The following TSC2 variants were observed in gnomAD, a reference collection of about 807,000 sequenced individuals.
TSC2 encodes TSC complex subunit 2.
In TSC2, 29 loss-of-function variants were observed where a neutral mutation model predicts 202.2. The observed-to-expected ratio is 0.14, with a 90% CI of 0.11 to 0.20. The LOEUF is 0.20. Ranked by LOEUF, TSC2 falls within the 10% of genes least tolerant of loss-of-function variation. The pLI, the probability that TSC2 is intolerant of heterozygous loss-of-function variation, is 1.00. For missense variants in TSC2, 2,429 were observed against 2,420.0 expected, an observed-to-expected ratio of 1.00 and a Z score of -0.08; for synonymous variants, 1,349 against 1,044.0, an observed-to-expected ratio of 1.29 and a Z score of -5.63.
intron 2 of TSC2, 85 bp downstream of exon 2, chr16:2,048,838 A>AC (rs1223733371): frequency 6.3e-7 from 1 of 1,593,468 alleles, no homozygotes; most frequent in African/African-American, 1.3e-5. Context: ...TCTGTGGGAG[A>AC]CGGGTTGCTG....
intron 21 of TSC2, 48 bp downstream of exon 21, chr16:2,073,031 G>T: frequency 6.2e-7 from 1 of 1,612,256 alleles, no homozygotes; most frequent in South Asian, 1.1e-5. Flanking sequence ...CCTGGGATTC[G>T]AGGGCCTGGC....
chr16:2,055,856 A>G (rs902174345), intron 6 of TSC2: 7 of 465,738 alleles, frequency 1.5e-5, no homozygotes, highest in South Asian at 1.5e-4. Context: ...GTGCCACTGC[A>G]CTCCAGCCTG....
At chr16:2,057,460 G>A (rs1481971080) in intron 9 of TSC2, among the ~76,000 whole-genome samples, 1 of 152,134 alleles carries the variant, frequency 6.6e-6, no homozygotes, top group East Asian at 1.9e-4. Context: ...GTTACAAGGC[G>A]AGGCTCGGGG....
chr16:2,055,571 G>C (rs188017426), intron 6 of TSC2, 52 bp downstream of exon 6: 2 of 1,546,348 alleles, frequency 1.3e-6, no homozygotes, highest in Non-Finnish European at 1.8e-6. Flanking sequence ...GTTCAGCTCC[G>C]CAGTGAATAA....
chr16:2,050,293 C>T, intron 2 of TSC2, 107 bp from the exon 3 acceptor site: 2 of 1,066,220 alleles, frequency 1.9e-6, no homozygotes, highest in South Asian at 1.3e-5. Flanking sequence ...TGTTTTAAGT[C>T]TCTAGTCTGG....
intron 30 of TSC2, chr16:2,080,683 A>G (rs576060784): frequency 8.3e-5 from 32 of 383,252 alleles, no homozygotes; most frequent in Middle Eastern, 8.2e-4. Flanking sequence ...ATGGGGTTTC[A>G]CTGTGTTAGC....
rs763419528 is a variant in TSC2, at chr16:2,056,730, C to T, written c.735C>T (p.Arg245=). The change falls in exon 8 of 42, where the codon CGC becomes CGT. Residue 245 remains arginine (R), a synonymous_variant. Coordinates refer to ENST00000219476, the MANE Select transcript of TSC2 (RefSeq NM_000548.5). ...CGCTGTTCATCGTTACCCTCTGTCG[C>T]ACCATCAACGTCAAGGAGCTCTGCG... ...SLPLFIVTLC[R]TINVKELCEP... 1.1e-5 allele frequency: 17 copies of T among 1,611,860 alleles called. No homozygotes were observed. Among genetic ancestry groups the T allele is most frequent in the Middle Eastern group, 1.6e-4 (1 of 6,084 alleles).
At chr16:2,068,051 T>G (rs1197579431) in intron 16 of TSC2, among the ~76,000 whole-genome samples, 2 of 152,194 alleles carry the variant, frequency 1.3e-5, no homozygotes, top group Non-Finnish European at 1.5e-5. Context: ...TTCTTTATTT[T>G]TTTGAGATAG....
intron 9 of TSC2, 103 bp downstream of exon 9, chr16:2,057,281 C>T (rs543922781): frequency 6.9e-5 from 96 of 1,382,598 alleles, no homozygotes; most frequent in Non-Finnish European, 8.3e-5. Context: ...GAGTCCTTGT[C>T]CTCTCGGGCA....
At chr16:2,056,840 C>G (rs2151083607) in intron 8 of TSC2, 71 bp downstream of exon 8, 1 of 1,596,674 alleles carries the variant, frequency 6.3e-7, no homozygotes, top group South Asian at 1.1e-5. Flanking sequence ...TCCTGTCTCC[C>G]ATGAATGGTT....
intron 25 of TSC2, 36 bp downstream of exon 25, chr16:2,076,621 G>C (rs776320441): frequency 6.2e-7 from 1 of 1,607,364 alleles, no homozygotes; most frequent in Non-Finnish European, 8.5e-7. Flanking sequence ...AGTCGGTGTG[G>C]GGTGGGGAAG....
chr16:2,057,278 T>C, intron 9 of TSC2, 100 bp downstream of exon 9: 1 of 1,405,962 alleles, frequency 7.1e-7, no homozygotes, highest in Non-Finnish European at 9.8e-7. Context: ...AGAGAGTCCT[T>C]GTCCTCTCGG....
intron 4 of TSC2, 160 bp downstream of exon 4, chr16:2,053,612 T>G (rs2085398324): frequency 2.7e-6 from 2 of 741,806 alleles, no homozygotes; most frequent in Non-Finnish European, 4.7e-6. Context: ...GGTCTCCTGG[T>G]GTCATGAGGT....
At chr16:2,051,698 A>T (rs769944951) in intron 3 of TSC2, among the ~76,000 whole-genome samples, 7 of 152,132 alleles carry the variant, frequency 4.6e-5, no homozygotes, top group Non-Finnish European at 1.0e-4. Context: ...TGCTAAGAGG[A>T]GAGTGATTGC....
In TSC2 at chr16:2,080,545, G is replaced by A. The variant is rs9922898; in HGVS notation, c.3610+168G>A. The A allele has an allele frequency of 0.013, 9,813 of 751,624 alleles. 703 individuals carry two copies. In the African/African-American group the frequency reaches 0.15, roughly 12 times the overall value. The allele number at this position is 751,624 out of a possible 1,614,324, so 46.6% of individuals were successfully genotyped here. On this transcript the variant is annotated intron_variant, in intron 30 of 41. Coordinates refer to ENST00000219476, the MANE Select transcript of TSC2 (RefSeq NM_000548.5). ...GTGGCCCACGCTGGAACGCAGTGGC[G>A]CAATCTCGGCTCACTGCAAGCTCCA...
chr16:2,062,591 G>A lies in TSC2; in HGVS notation c.1352G>A (p.Arg451Lys), dbSNP rs749780677. 3.1e-6 allele frequency: 5 copies of A among 1,607,676 alleles called. No individual in the cohort carries two copies. The African/African-American group carries it at 4.0e-5, about 13-fold the overall frequency. The change falls in exon 13 of 42, where the codon AGA (arginine) becomes AAA (lysine). Residue 451 changes from arginine (R) to lysine (K), a missense_variant. Coordinates refer to ENST00000219476, the MANE Select transcript of TSC2 (RefSeq NM_000548.5). ...WIQNLQALME[R>K]FFRSESRGAV... is the part of the protein sequence containing the mutation. ...CAGAACCTGCAGGCGCTGATGGAGA[G>A]ATTCTTCAGGTAGGGGGTCCTCTGT... is the stretch of plus-strand genomic sequence containing the variant.
chr16:2,056,474 G>A (rs1023796947), intron 7 of TSC2, among the ~76,000 whole-genome samples, 170 bp from the exon 8 acceptor site: 15 of 152,240 alleles, frequency 9.9e-5, no homozygotes, highest in East Asian at 9.6e-4. Context: ...TGACAGGGAC[G>A]TCAGGTGCTT....
chr16:2,084,875 C>T, intron 34 of TSC2, 76 bp from the exon 35 acceptor site: 6 of 1,605,398 alleles, frequency 3.7e-6, no homozygotes, highest in Non-Finnish European at 5.1e-6. Context: ...TGGCCAGGCT[C>T]TGTGTTCCTC....
chr16:2,086,692 C>T (rs770009114), intron 37 of TSC2, 40 bp from the exon 38 acceptor site: 1 of 1,605,074 alleles, frequency 6.2e-7, no homozygotes, highest in Non-Finnish European at 8.5e-7. Flanking sequence ...AGGGCCTCAG[C>T]ACTGGCCCCA....
Sources: gnomAD v4.1 joint callset for allele counts (sites outside exome capture counted in the v4.1 genomes callset) on GRCh38, gnomAD v4.1.1 for gene constraint, MANE v1.5 for transcripts, NCBI Gene and HGNC (gene_info 2026-07-23, HGNC 2026-07-21) for gene names.